Variants in NKAIN2 observed in about 807,000 individuals in gnomAD.
NKAIN2 encodes sodium/potassium transporting ATPase interacting 2, also known as sodium/potassium-transporting ATPase subunit beta-1-interacting protein 2.
A neutral mutation model predicts 32.6 loss-of-function variants in NKAIN2; 14 were observed. The observed-to-expected ratio is 0.43, with a 90% confidence interval of 0.28 to 0.67. The LOEUF is 0.67. Among genes scored for constraint, NKAIN2 ranks in the 30% least tolerant of loss-of-function variants. The pLI, the probability that NKAIN2 is intolerant of heterozygous loss-of-function variation, is 0.17. For synonymous variants in NKAIN2, 80 were observed against 87.2 expected (o/e 0.92, Z 0.46); for missense variants, 198 against 258.3 (o/e 0.77, Z 1.60).
chr6:124,315,326 A>C (rs1354471502), intron 2 of NKAIN2, among the ~76,000 whole-genome samples: 3 of 152,262 alleles, frequency 2.0e-5, no homozygotes, highest in African/African-American at 7.2e-5. Context: ...TTCTAAAAGG[A>C]TATTACAAAA....
chr6:123,898,556 T>G (rs940470862), intron 1 of NKAIN2, among the ~76,000 whole-genome samples: 3 of 151,538 alleles, frequency 2.0e-5, no homozygotes, highest in African/African-American at 2.4e-5. Context: ...GGGGTGTTTT[T>G]TTTTTTTTTT....
intron 3 of NKAIN2, among the ~76,000 whole-genome samples, chr6:124,446,226 A>G (rs1362842928): frequency 1.3e-5 from 2 of 152,170 alleles, no homozygotes; most frequent in Non-Finnish European, 1.5e-5. Context: ...TACAAGAAAC[A>G]TTTGAAATAT....
intron 1 of NKAIN2, among the ~76,000 whole-genome samples, chr6:123,821,806 A>G (rs56002952): frequency 0.073 from 11,166 of 152,230 alleles, 513 homozygotes; most frequent in Non-Finnish European, 0.11. Flanking sequence ...ATGAGTATGA[A>G]TAAAGTGATT....
intron 3 of NKAIN2, among the ~76,000 whole-genome samples, chr6:124,389,810 A>G (rs963895031): frequency 2.2e-4 from 33 of 151,984 alleles, no homozygotes; most frequent in African/African-American, 7.5e-4. Flanking sequence ...CATGTTAGAA[A>G]AGGAAAAAAA....
At chr6:124,618,342 G>A (rs942808123) in intron 3 of NKAIN2, among the ~76,000 whole-genome samples, 1 of 152,162 alleles carries the variant, frequency 6.6e-6, no homozygotes, top group African/African-American at 2.4e-5. Context: ...GCTGGGCATG[G>A]TGGTGGGTGC....
intron 3 of NKAIN2, among the ~76,000 whole-genome samples, chr6:124,638,171 G>C (rs1482344537): frequency 3.3e-5 from 5 of 152,184 alleles, no homozygotes; most frequent in Admixed American, 3.3e-4. Context: ...GAAAGAATCG[G>C]CTCTTCAATA....
chr6:124,349,625 C>T (rs1377421992), intron 2 of NKAIN2, among the ~76,000 whole-genome samples: 1 of 152,136 alleles, frequency 6.6e-6, no homozygotes, highest in Non-Finnish European at 1.5e-5. Context: ...TAAAAGTGAA[C>T]TCATTCATGA....
rs77141044 is a variant in NKAIN2, at chr6:124,196,979, TA to T, written c.55-86024del. On this transcript the variant is annotated intron_variant, in intron 1 of 6. Coordinates refer to ENST00000368417, the MANE Select transcript of NKAIN2 (RefSeq NM_001040214.3). ...TCCTAGTTTCATTAAGGAAAGGTAT[TA>T]AGAAGGTTGTAGTCTATATCATTAG... Among the ~76,000 whole-genome samples the T allele has an allele frequency of 5.3e-4, 80 of 151,972 alleles. 1 individual carries two copies. In the East Asian group the frequency reaches 0.012, roughly 22 times the overall value.
chr6:124,810,179 C>G (rs562693999), intron 5 of NKAIN2, among the ~76,000 whole-genome samples: 2 of 152,108 alleles, frequency 1.3e-5, no homozygotes, highest in African/African-American at 4.8e-5. Flanking sequence ...AAGACACATG[C>G]ACACATATGT....
chr6:124,327,281 A>C (rs934743250), intron 2 of NKAIN2, among the ~76,000 whole-genome samples: 19 of 152,146 alleles, frequency 1.2e-4, no homozygotes, highest in African/African-American at 4.6e-4. Flanking sequence ...AGCCAGAAGT[A>C]GTAGGAGCCA....
At chr6:123,869,551 T>C (rs938150905) in intron 1 of NKAIN2, among the ~76,000 whole-genome samples, 4 of 152,190 alleles carry the variant, frequency 2.6e-5, no homozygotes, top group South Asian at 2.1e-4. Context: ...TGTCATTAAA[T>C]GGCAACTGAA....
At chr6:124,055,716 A>G (rs1274007878) in intron 1 of NKAIN2, among the ~76,000 whole-genome samples, 1 of 152,004 alleles carries the variant, frequency 6.6e-6, no homozygotes, top group African/African-American at 2.4e-5. Flanking sequence ...ACAATGTGGA[A>G]CATTTTCTCC....
intron 1 of NKAIN2, among the ~76,000 whole-genome samples, chr6:123,849,949 G>GT (rs777466801): frequency 0.018 from 698 of 38,574 alleles, 34 homozygotes; most frequent in Non-Finnish European, 0.024. Context: ...ACTCAGGCTG[G>GT]TTTTTTTTTT....
intron 1 of NKAIN2, among the ~76,000 whole-genome samples, chr6:124,136,785 A>G (rs1786814691): frequency 6.6e-6 from 1 of 152,182 alleles, no homozygotes; most frequent in African/African-American, 2.4e-5. Context: ...ATGTAGAGAA[A>G]GTATTTGACA....
At chr6:124,324,708 G>T (rs1193784503) in intron 2 of NKAIN2, among the ~76,000 whole-genome samples, 2 of 148,984 alleles carry the variant, frequency 1.3e-5, no homozygotes, top group African/African-American at 5.0e-5. Flanking sequence ...GGTATGTTTT[G>T]GAAGTTTTTT....
chr6:124,458,714 A>G (rs1390753059), intron 3 of NKAIN2, among the ~76,000 whole-genome samples: 1 of 151,812 alleles, frequency 6.6e-6, no homozygotes, highest in African/African-American at 2.4e-5. Flanking sequence ...TTCTAATACT[A>G]TATCTAGACA....
intron 1 of NKAIN2, among the ~76,000 whole-genome samples, chr6:123,805,471 C>G (rs1356125277): frequency 1.3e-5 from 2 of 152,112 alleles, no homozygotes; most frequent in Non-Finnish European, 2.9e-5. Flanking sequence ...GGATGTTTTT[C>G]TTTCCCCTGA....
At chr6:124,115,612 G>C (rs905917265) in intron 1 of NKAIN2, among the ~76,000 whole-genome samples, 1 of 152,082 alleles carries the variant, frequency 6.6e-6, no homozygotes, top group Non-Finnish European at 1.5e-5. Context: ...TTATATTTTA[G>C]TGATTGATAG....
intron 1 of NKAIN2, among the ~76,000 whole-genome samples, chr6:123,863,917 AGG>A (rs1315683487): frequency 2.4e-4 from 37 of 152,170 alleles, no homozygotes; most frequent in Non-Finnish European, 2.2e-4. Context: ...CTGTCATGGA[AGG>A]TATACTTAAT....
Sources: gnomAD v4.1 joint callset for allele counts (sites outside exome capture counted in the v4.1 genomes callset) on GRCh38, gnomAD v4.1.1 for gene constraint, MANE v1.5 for transcripts, NCBI Gene and HGNC (gene_info 2026-07-23, HGNC 2026-07-21) for gene names.